VPS13C: variants seen among roughly 807,000 people sequenced by gnomAD.
The protein encoded by VPS13C is vacuolar protein sorting 13 homolog C.
Under a neutral mutation model 456.8 loss-of-function variants are expected in VPS13C, and 358 were observed. The ratio of observed to expected loss-of-function variants is 0.78; its 90% CI spans 0.72 to 0.86. VPS13C has a LOEUF of 0.86. Ranked by LOEUF, VPS13C falls within the 40% of genes least tolerant of loss-of-function variation. VPS13C has a pLI of 0.00. For synonymous variants in VPS13C, 1,578 were observed against 1,486.7 expected (o/e 1.06, Z -1.41); for missense variants, 4,818 against 4,385.4 (o/e 1.10, Z -2.79).
At chr15:61,914,740 T>C (rs2043408462) in intron 61 of VPS13C, among the ~76,000 whole-genome samples, 1 of 151,296 alleles carries the variant, frequency 6.6e-6, no homozygotes, top group Non-Finnish European at 1.5e-5. Context: ...TTTGTATTTT[T>C]AGTAGAGACG....
intron 81 of VPS13C, chr15:61,866,745 G>A (rs1408383314): frequency 2.9e-5 from 29 of 984,904 alleles, no homozygotes; most frequent in African/African-American, 5.2e-5. Flanking sequence ...AGCACACGCT[G>A]GTTTTTGGAT....
In VPS13C at chr15:61,909,085, G is replaced by A. The variant is rs1458000440; in HGVS notation, c.8885C>T (p.Ser2962Leu). 1.2e-6 allele frequency: 2 copies of A among 1,613,492 alleles called. No individual in the cohort carries two copies. The highest frequency in any genetic ancestry group is 1.7e-6 in the Non-Finnish European group (2 of 1,179,908). ...ILVDVNTAEH[S>L]TVITFSDYHE... ...GTAATCAGAAAAAGTTATGACAGTT[G>A]AATGTTCGGCAGTGTTTACATCCAC... The change falls in exon 65 of 85, where the codon TCA (serine) becomes TTA (leucine). Residue 2962 changes from serine (S) to leucine (L), a missense_variant. Coordinates refer to ENST00000644861, the MANE Select transcript of VPS13C (RefSeq NM_020821.3).
rs67220908 is a variant in VPS13C at position 62,012,221 on chromosome 15, GACAC to G, written c.826-61_826-58del. The G allele has an allele frequency of 0.2, 102,891 of 507,164 alleles. 7,313 individuals are homozygous for G. The highest frequency in any genetic ancestry group is 0.24 in the Non-Finnish European group (67,062 of 277,838). 31.4% of individuals were successfully genotyped at this position (507,164 alleles called of 1,614,324 possible). A position where few individuals can be genotyped will look rare whatever the true frequency, so the allele number is the denominator to read the frequency against. The stretch of plus-strand genomic sequence containing the variant: ...GAAAATGCACACATATTCAGACTCA[GACAC>G]ACACACACACACACACACACACACA... On this transcript the variant is annotated intron_variant, in intron 11 of 84. Transcript: ENST00000644861.
At chr15:62,052,240 A>G (rs1457016917) in intron 1 of VPS13C, among the ~76,000 whole-genome samples, 3 of 152,266 alleles carry the variant, frequency 2.0e-5, no homozygotes, top group Admixed American at 2.0e-4. Context: ...TTATGTATCT[A>G]TAACATAAAC....
chr15:61,863,759 C>G (rs1431952699), intron 81 of VPS13C: 6 of 343,152 alleles, frequency 1.7e-5, no homozygotes, highest in Non-Finnish European at 3.2e-5. Context: ...ACCAAGTGGT[C>G]TTCTGGTAAA....
chr15:61,878,822 A>T, intron 73 of VPS13C, 76 bp from the exon 74 acceptor site: 1 of 1,447,314 alleles, frequency 6.9e-7, no homozygotes, highest in Non-Finnish European at 9.1e-7. Context: ...GGTAGTCCAG[A>T]AACAAACCAA....
chr15:61,941,697 T>C, intron 46 of VPS13C, 66 bp downstream of exon 46: 1 of 1,449,744 alleles, frequency 6.9e-7, no homozygotes, highest in Non-Finnish European at 9.3e-7. Flanking sequence ...CATTTTACCT[T>C]AGGTAAAAAT....
intron 53 of VPS13C, among the ~76,000 whole-genome samples, chr15:61,924,469 T>C (rs1029813090): frequency 2.6e-5 from 4 of 152,192 alleles, no homozygotes; most frequent in African/African-American, 9.6e-5. Context: ...CCCCAATGCC[T>C]TGTAAAGGAC....
At chr15:61,911,737 C>T (rs1033244366) in intron 63 of VPS13C, 103 bp downstream of exon 63, 2 of 1,116,100 alleles carry the variant, frequency 1.8e-6, no homozygotes, top group Non-Finnish European at 2.4e-6. Flanking sequence ...TATTTCAACA[C>T]ATAAATATGA....
intron 59 of VPS13C, 149 bp from the exon 60 acceptor site, chr15:61,917,784 A>G: frequency 2.2e-6 from 2 of 891,690 alleles, no homozygotes; most frequent in East Asian, 3.2e-5. Context: ...GCTAAAAAAA[A>G]GGTTAGGAAA....
At chr15:61,903,598 C>A (rs971014978) in intron 66 of VPS13C, among the ~76,000 whole-genome samples, 1 of 152,074 alleles carries the variant, frequency 6.6e-6, no homozygotes, top group South Asian at 2.1e-4. Context: ...ATCTACAAGA[C>A]CAATGCAATC....
chr15:62,018,183 G>T (rs1284021860), intron 9 of VPS13C, among the ~76,000 whole-genome samples: 67 of 149,882 alleles, frequency 4.5e-4, no homozygotes, highest in East Asian at 2.2e-3. Flanking sequence ...AAGGAGATTT[G>T]GGGCTGAGAC....
intron 63 of VPS13C, among the ~76,000 whole-genome samples, chr15:61,910,568 T>G (rs1190389838): frequency 6.6e-6 from 1 of 152,158 alleles, no homozygotes; most frequent in Non-Finnish European, 1.5e-5. Flanking sequence ...GAGGAGCCTG[T>G]TGATTAAGAA....
intron 45 of VPS13C, among the ~76,000 whole-genome samples, chr15:61,944,556 T>A (rs1308348740): frequency 6.6e-6 from 1 of 152,142 alleles, no homozygotes; most frequent in Non-Finnish European, 1.5e-5. Flanking sequence ...TACTACATAT[T>A]TTCACTTATA....
chr15:61,926,883 C>T (rs986356354), intron 52 of VPS13C, among the ~76,000 whole-genome samples: 2 of 152,022 alleles, frequency 1.3e-5, no homozygotes, highest in East Asian at 1.9e-4. Flanking sequence ...AAAATAAAAC[C>T]GTTCTGAAGG....
chr15:62,020,556 A>T lies in VPS13C; in HGVS notation c.625-18T>A. 8 of 1,610,116 alleles carry T rather than the reference A, an allele frequency of 5.0e-6. No individual in the cohort carries two copies. The highest frequency in any genetic ancestry group is 6.8e-6 in the Non-Finnish European group (8 of 1,177,594). On this transcript the variant is annotated intron_variant, in intron 8 of 84. Coordinates refer to ENST00000644861, the MANE Select transcript of VPS13C (RefSeq NM_020821.3). ...TCAGTGACCTACCAAAGAAGAAAAG[A>T]TAACAGTAAAATATGCTGATGGTGA...
At chr15:61,881,934 C>A in intron 69 of VPS13C, 106 bp from the exon 70 acceptor site, 1 of 987,200 alleles carries the variant, frequency 1.0e-6, no homozygotes, top group South Asian at 1.8e-5. Flanking sequence ...AATTAAGTGT[C>A]TGCGTGTATA....
At chr15:61,966,982 G>A (rs1345957747) in intron 29 of VPS13C, among the ~76,000 whole-genome samples, 9 of 151,700 alleles carry the variant, frequency 5.9e-5, no homozygotes, top group Non-Finnish European at 8.8e-5. Flanking sequence ...AAATATTTTC[G>A]TGGCCCTTCC....
rs1222310552 is a variant in VPS13C, at chr15:61,867,274, G to A, written c.10863+1385C>T. 89 of 984,154 alleles carry A rather than the reference G, an allele frequency of 9.0e-5. No homozygotes were observed. Among genetic ancestry groups the A allele is most frequent in the Non-Finnish European group, 1.0e-4 (84 of 828,928 alleles). 61.0% of individuals were successfully genotyped at this position (984,154 alleles called of 1,614,324 possible). Reference sequence around the variant, plus strand: ...AGCAGAAATGCTAAAGGCTGAAAATGTATATAACATAATTATAAAATGGCT... The same window carrying A: ...AGCAGAAATGCTAAAGGCTGAAAATATATATAACATAATTATAAAATGGCT... On this transcript the variant is annotated intron_variant, in intron 81 of 84. Coordinates refer to ENST00000644861, the MANE Select transcript of VPS13C (RefSeq NM_020821.3). This position sits in a 1 kb window ranked among gnomAD's most constrained non-coding sequence, Gnocchi z 5.0.
Sources: gnomAD v4.1 joint callset for allele counts (sites outside exome capture counted in the v4.1 genomes callset) on GRCh38, gnomAD v4.1.1 for gene constraint, Gnocchi (gnomAD v3.1) non-coding constraint, MANE v1.5 for transcripts, NCBI Gene and HGNC (gene_info 2026-07-23, HGNC 2026-07-21) for gene names.